ADAMTSL1: variants seen among roughly 807,000 people sequenced by gnomAD.
The protein encoded by ADAMTSL1 is ADAMTS like 1.
A neutral mutation model predicts 201.8 loss-of-function variants in ADAMTSL1; 126 were observed. That is an observed-to-expected ratio of 0.62 (90% CI 0.54 to 0.72). The LOEUF (loss-of-function observed/expected upper bound fraction) is 0.72. Among genes scored for constraint, ADAMTSL1 ranks in the 30% least tolerant of loss-of-function variants. The pLI is 0.00. For synonymous variants in ADAMTSL1, 1,121 were observed against 903.4 expected (o/e 1.24, Z -4.32); for missense variants, 2,679 against 2,277.8 (o/e 1.18, Z -3.59).
intron 2 of ADAMTSL1, among the ~76,000 whole-genome samples, chr9:18,401,966 C>T (rs913998987): frequency 1.3e-5 from 2 of 152,192 alleles, no homozygotes; most frequent in African/African-American, 2.4e-5. Flanking sequence ...ATACATTTCT[C>T]ATATCGCAGA....
intron 26 of ADAMTSL1, among the ~76,000 whole-genome samples, chr9:18,892,987 A>G (rs915366304): frequency 1.3e-5 from 2 of 151,674 alleles, no homozygotes; most frequent in African/African-American, 2.4e-5. Flanking sequence ...GTTTTTGGCC[A>G]TAGAGTTCAC....
chr9:18,044,136 T>G (rs914846468), intron 1 of ADAMTSL1, among the ~76,000 whole-genome samples: 1 of 150,912 alleles, frequency 6.6e-6, no homozygotes, highest in Admixed American at 6.6e-5. Context: ...AAGTCATATT[T>G]CCTGTAGGGA....
chr9:18,773,247 T>A (rs577366497), intron 17 of ADAMTSL1, among the ~76,000 whole-genome samples: 78 of 152,296 alleles, frequency 5.1e-4, no homozygotes, highest in African/African-American at 1.8e-3. Flanking sequence ...TTTAGACATT[T>A]CAAATAAAAT....
chr9:18,879,516 C>T (rs1055902460), intron 23 of ADAMTSL1, among the ~76,000 whole-genome samples: 2 of 152,174 alleles, frequency 1.3e-5, no homozygotes, highest in African/African-American at 2.4e-5. Context: ...TGCAATAAAG[C>T]GAGTCACACA....
intron 15 of ADAMTSL1, among the ~76,000 whole-genome samples, chr9:18,750,855 C>A (rs1331851612): frequency 2.0e-5 from 3 of 152,172 alleles, no homozygotes; most frequent in Non-Finnish European, 4.4e-5. Flanking sequence ...ACATGGCTGG[C>A]AAGTTGATGC....
chr9:18,722,763 A>T (rs1262585394), intron 15 of ADAMTSL1, among the ~76,000 whole-genome samples: 1 of 152,322 alleles, frequency 6.6e-6, no homozygotes, highest in Non-Finnish European at 1.5e-5. Context: ...AACTCATGCT[A>T]TATTCTCCAA....
intron 1 of ADAMTSL1, among the ~76,000 whole-genome samples, chr9:17,974,356 C>T (rs1818351134): frequency 2.0e-5 from 3 of 152,058 alleles, no homozygotes; most frequent in Admixed American, 2.0e-4. Context: ...CCAATCGTCT[C>T]AGCCCAAAAT....
chr9:17,991,120 T>A (rs1297672061), intron 1 of ADAMTSL1, among the ~76,000 whole-genome samples: 1 of 152,146 alleles, frequency 6.6e-6, no homozygotes, highest in Non-Finnish European at 1.5e-5. Flanking sequence ...TCCTTACTTA[T>A]CCCAAACGCT....
At chr9:18,120,325 T>G (rs1356555137) in intron 1 of ADAMTSL1, among the ~76,000 whole-genome samples, 1 of 152,196 alleles carries the variant, frequency 6.6e-6, no homozygotes, top group Non-Finnish European at 1.5e-5. Context: ...GAAGCTGTAG[T>G]GTCTTTTATA....
chr9:18,288,384 TTTG>T (rs1833109648), intron 2 of ADAMTSL1, among the ~76,000 whole-genome samples: 1 of 152,142 alleles, frequency 6.6e-6, no homozygotes, highest in Non-Finnish European at 1.5e-5. Flanking sequence ...TGCTTAGGTA[TTTG>T]TTATTTTTTT....
intron 23 of ADAMTSL1, among the ~76,000 whole-genome samples, chr9:18,838,955 C>T (rs927819418): frequency 2.7e-5 from 4 of 150,142 alleles, no homozygotes; most frequent in Non-Finnish European, 5.9e-5. Context: ...CAGCATCTTA[C>T]TTAGGTGCTG....
chr9:17,935,617 T>G (rs1163032126), intron 1 of ADAMTSL1, among the ~76,000 whole-genome samples: 1 of 152,142 alleles, frequency 6.6e-6, no homozygotes, highest in African/African-American at 2.4e-5. Context: ...GGGAACTTAG[T>G]TCTTTTATTT....
chr9:18,118,642 T>C (rs1825366146), intron 1 of ADAMTSL1, among the ~76,000 whole-genome samples: 2 of 152,156 alleles, frequency 1.3e-5, no homozygotes, highest in Admixed American at 1.3e-4. Context: ...CATGGCCAAG[T>C]ATTAGAATCA....
chr9:17,922,309 G>A (rs376023564), intron 1 of ADAMTSL1, among the ~76,000 whole-genome samples: 4 of 152,160 alleles, frequency 2.6e-5, no homozygotes, highest in South Asian at 2.1e-4. Context: ...GCTGGAAGGC[G>A]TCTTAAGGAC....
chr9:18,192,437 C>T (rs1829006757), intron 2 of ADAMTSL1, among the ~76,000 whole-genome samples: 1 of 152,102 alleles, frequency 6.6e-6, no homozygotes, highest in Non-Finnish European at 1.5e-5. Context: ...CAACTTGAGC[C>T]TATCATGGGG....
Position 18,037,342 on chromosome 9 carries a change from G to A in ADAMTSL1, c.88-126520G>A, listed in dbSNP as rs1821242657. On this transcript the variant is annotated intron_variant, in intron 1 of 29. Coordinates refer to the ADAMTSL1 transcript ENST00000680146. ...TCACAAAAGCTTTACTCTCTTCTGAGTGTCTGTGGTCCCCTACACAAATTT... is the reference window on the plus strand; with the variant it reads ...TCACAAAAGCTTTACTCTCTTCTGAATGTCTGTGGTCCCCTACACAAATTT... 5.3e-5 allele frequency among the ~76,000 whole-genome samples: 8 copies of A among 152,144 alleles called. 1 individual carries two copies. The South Asian group carries it at 1.7e-3, about 31-fold the overall frequency.
chr9:18,520,118 A>G (rs10963623), intron 2 of ADAMTSL1, among the ~76,000 whole-genome samples: 86,743 of 151,930 alleles, frequency 0.57, 25,087 homozygotes, highest in East Asian at 0.79. Context: ...TAAAGGACAA[A>G]CTCCACAATT....
At chr9:18,264,796 A>G (rs1832055068) in intron 2 of ADAMTSL1, among the ~76,000 whole-genome samples, 1 of 152,180 alleles carries the variant, frequency 6.6e-6, no homozygotes, top group African/African-American at 2.4e-5. Flanking sequence ...CTTGTATAGG[A>G]TATCAATTCT....
At chr9:17,996,954 G>C (rs141601737) in intron 1 of ADAMTSL1, among the ~76,000 whole-genome samples, 5 of 152,244 alleles carry the variant, frequency 3.3e-5, no homozygotes, top group African/African-American at 1.2e-4. Context: ...GGAGATAACA[G>C]CTTAGGTTGC....
Sources: allele counts gnomAD v4.1 joint callset (sites outside exome capture counted in the v4.1 genomes callset), GRCh38; gene constraint gnomAD v4.1.1; transcripts MANE v1.5; gene names NCBI Gene and HGNC (gene_info 2026-07-23, HGNC 2026-07-21).